Variants in ZFP64 observed in about 807,000 individuals in gnomAD.
The protein encoded by ZFP64 is zinc finger protein 64.
A neutral mutation model predicts 51.6 loss-of-function variants in ZFP64; 14 were observed. That is an observed-to-expected ratio of 0.27 (90% CI 0.18 to 0.42). The LOEUF (loss-of-function observed/expected upper bound fraction) is 0.42. ZFP64 is among the 10% of genes least tolerant of loss of function. The probability of loss-of-function intolerance (pLI) is 1.00; values close to 1 mark genes in which losing one functional copy is unlikely to be tolerated. For missense variants in ZFP64, 754 were observed against 906.8 expected (o/e 0.83, Z 2.16); for synonymous variants, 375 against 361.4 (o/e 1.04, Z -0.43).
intron 2 of ZFP64, among the ~76,000 whole-genome samples, chr20:52,184,629 T>TTTTTTA (rs10622661): frequency 0.22 from 33,603 of 151,910 alleles, 4,313 homozygotes; most frequent in African/African-American, 0.36. Context: ...TAAATCCCTC[T>TTTTTTA]TTTTTATTTT....
chr20:52,104,605 T>A (rs1409908839), intron 5 of ZFP64: 1 of 439,928 alleles, frequency 2.3e-6, no homozygotes, highest in East Asian at 7.1e-5. Flanking sequence ...ACGCCCTGGG[T>A]CCCTGCGCTT....
At chr20:52,141,608 G>A (rs887609505) in intron 5 of ZFP64, among the ~76,000 whole-genome samples, 17 of 152,156 alleles carry the variant, frequency 1.1e-4, no homozygotes, top group African/African-American at 4.1e-4. Context: ...CTGAATTGCT[G>A]CAATCTTATG....
intron 5 of ZFP64, among the ~76,000 whole-genome samples, chr20:52,145,203 C>T (rs1301683847): frequency 2.0e-5 from 3 of 152,172 alleles, no homozygotes; most frequent in Non-Finnish European, 2.9e-5. Flanking sequence ...TGTATACAGT[C>T]GTTGCCACTT....
intron 5 of ZFP64, among the ~76,000 whole-genome samples, chr20:52,116,065 C>T (rs967998987): frequency 6.6e-6 from 1 of 151,698 alleles, no homozygotes; most frequent in Non-Finnish European, 1.5e-5. Context: ...AACTCCCGAC[C>T]TCAGGTGATC....
intron 2 of ZFP64, among the ~76,000 whole-genome samples, chr20:52,167,345 T>C (rs916156075): frequency 3.4e-4 from 51 of 151,898 alleles, no homozygotes; most frequent in African/African-American, 1.1e-3. Context: ...AAAAAATAAA[T>C]AAAAATAAGT....
At chr20:52,112,099 A>C (rs952062316) in intron 5 of ZFP64, among the ~76,000 whole-genome samples, 1 of 145,772 alleles carries the variant, frequency 6.9e-6, no homozygotes, top group African/African-American at 2.5e-5. Context: ...AAAAAAAAAA[A>C]ACAAAAAAAA....
chr20:52,122,359 A>C (rs1979227790), intron 5 of ZFP64, among the ~76,000 whole-genome samples: 1 of 152,090 alleles, frequency 6.6e-6, no homozygotes, highest in Non-Finnish European at 1.5e-5. Context: ...ACAAAAAATT[A>C]GCCGGGTGTG....
chr20:52,158,484 T>C (rs1981507077), intron 5 of ZFP64, among the ~76,000 whole-genome samples: 1 of 152,080 alleles, frequency 6.6e-6, no homozygotes, highest in South Asian at 2.1e-4. Context: ...GGCGGGTGGA[T>C]TGCCTGAGCT....
In ZFP64 at chr20:52,191,736, C is replaced by A. The variant is rs558660958; in HGVS notation, c.-100G>T. 1.3e-4 allele frequency: 176 copies of A among 1,370,386 alleles called. No homozygotes were observed. In the African/African-American group the frequency reaches 2.4e-3, roughly 19 times the overall value. The allele number at this position is 1,370,386 out of a possible 1,614,324, so 84.9% of individuals were successfully genotyped here. On this transcript the variant is annotated 5_prime_UTR_variant, in exon 1 of 6. Coordinates refer to ENST00000216923, the MANE Select transcript of ZFP64 (RefSeq NM_018197.3). This position sits in a 1 kb window ranked among gnomAD's most constrained non-coding sequence, Gnocchi z 4.3. ...TTTCCTTTTATTTTTCCACACCCCC[C>A]ACCCTGCCTTCTCCCAACTCTGCGA...
intron 5 of ZFP64, among the ~76,000 whole-genome samples, chr20:52,124,708 C>G (rs1167406241): frequency 2.0e-5 from 3 of 151,752 alleles, no homozygotes; most frequent in Non-Finnish European, 4.4e-5. Flanking sequence ...CTCCCAGGCT[C>G]GGTTGCTCCT....
At chr20:52,147,789 C>A (rs553989179), downstream of ZFP64, among the ~76,000 whole-genome samples, 12 of 152,174 alleles carry the variant, frequency 7.9e-5, no homozygotes, top group African/African-American at 2.7e-4. Context: ...CCGAGGCAGG[C>A]GGATCACTTG....
At chr20:52,134,053 G>A (rs375952531) in intron 5 of ZFP64, among the ~76,000 whole-genome samples, 39 of 142,678 alleles carry the variant, frequency 2.7e-4, no homozygotes, top group African/African-American at 9.0e-4. Context: ...AAAAAAAAAA[G>A]GAGGACTTTT....
chr20:52,152,716 G>T lies in ZFP64; in HGVS notation c.1476C>A (p.Phe492Leu), dbSNP rs768443306. The change falls in exon 6 of 6, where the codon TTC (phenylalanine) becomes TTA (leucine). Residue 492 changes from phenylalanine to leucine, a missense_variant. Transcript: ENST00000216923. ...CGATGATTTTGACTCTTCCCTCGCT[G>T]AACTGGGGCACTTGGCTGGGCTGGA... Reference protein sequence around the residue: ...VPLQPSQVPQFSEGRVKIIVG... With the variant: ...VPLQPSQVPQLSEGRVKIIVG... 1.6e-5 allele frequency: 25 copies of T among 1,567,666 alleles called. No homozygotes were observed. The East Asian group carries it at 5.0e-4, about 31-fold the overall frequency.
chr20:52,147,511 A>G (rs547555985), downstream of ZFP64, among the ~76,000 whole-genome samples: 1 of 152,294 alleles, frequency 6.6e-6, no homozygotes, highest in Admixed American at 6.5e-5. Flanking sequence ...AAAATATTCT[A>G]AAGGAAGAGA....
intron 8 of ZFP64, among the ~76,000 whole-genome samples, chr20:52,086,158 T>G (rs1292396870): frequency 1.3e-5 from 2 of 152,226 alleles, no homozygotes; most frequent in Admixed American, 6.5e-5. Context: ...TTCTGTCTGG[T>G]GAATTCTTAT....
intron 2 of ZFP64, among the ~76,000 whole-genome samples, chr20:52,174,922 T>C (rs1983063230): frequency 6.6e-6 from 1 of 152,196 alleles, no homozygotes. Context: ...GAGGACAAAA[T>C]GAGATCACTT....
rs17803930 is a variant in ZFP64, at chr20:52,094,838, T to C, written c.976+2535A>G. On this transcript the variant is annotated intron_variant, in intron 7 of 8. Coordinates refer to the ZFP64 transcript ENST00000361387. ...AAACACACACCTCAGTATTCCTAGC[T>C]TTCTGAGCTTGGTTTTAACTTGAAA... Among the ~76,000 whole-genome samples the C allele has an allele frequency of 4.7e-3, 710 of 152,310 alleles. 4 individuals carry two copies. Among genetic ancestry groups the C allele is most frequent in the Middle Eastern group, 0.014 (4 of 294 alleles).
chr20:52,173,296 A>G (rs1307885486), intron 2 of ZFP64, among the ~76,000 whole-genome samples: 1 of 152,246 alleles, frequency 6.6e-6, no homozygotes, highest in Non-Finnish European at 1.5e-5. Flanking sequence ...TTGAGAGAAG[A>G]AAAAACTAGG....
rs139522318 is a variant in ZFP64, at chr20:52,151,639, T to C, written c.*507A>G. The C allele has an allele frequency of 2.0e-6, 2 of 989,358 alleles. No individual in the cohort carries two copies. Among genetic ancestry groups the C allele is most frequent in the African/African-American group, 3.5e-5 (2 of 57,372 alleles). The allele number at this position is 989,358 out of a possible 1,614,324, so 61.3% of individuals were successfully genotyped here. The stretch of plus-strand genomic sequence containing the variant: ...ATTTAAGATTCTACAACAGTTATAA[T>C]GCGACGATTCAGAGGTGGTCTCAAA... On this transcript the variant is annotated 3_prime_UTR_variant, in exon 6 of 6. Transcript: ENST00000216923.
Sources: allele counts gnomAD v4.1 joint callset (sites outside exome capture counted in the v4.1 genomes callset), GRCh38; gene constraint gnomAD v4.1.1; non-coding constraint Gnocchi (gnomAD v3.1); transcripts MANE v1.5; gene names NCBI Gene and HGNC (gene_info 2026-07-23, HGNC 2026-07-21).